MAPK6: variants seen among roughly 807,000 people sequenced by gnomAD.
MAPK6 encodes the protein mitogen-activated protein kinase 6.
A neutral mutation model predicts 59.3 loss-of-function variants in MAPK6; 19 were observed. That is an observed-to-expected ratio of 0.32 (90% CI 0.22 to 0.47). MAPK6 has a LOEUF of 0.47. Among genes scored for constraint, MAPK6 ranks in the 20% least tolerant of loss-of-function variants. MAPK6 has a pLI of 1.00. For missense variants in MAPK6, 724 were observed against 847.9 expected (o/e 0.85, Z 1.81); for synonymous variants, 316 against 290.3 (o/e 1.09, Z -0.90).
intron 1 of MAPK6, among the ~76,000 whole-genome samples, chr15:52,025,538 C>T (rs937157930): frequency 4.6e-5 from 7 of 152,212 alleles, no homozygotes; most frequent in Non-Finnish European, 7.3e-5. Context: ...CGCCGTGGCT[C>T]ACGCCTGTAA....
At chr15:52,030,098 A>G (rs2030968560) in intron 1 of MAPK6, among the ~76,000 whole-genome samples, 1 of 152,092 alleles carries the variant, frequency 6.6e-6, no homozygotes, top group Non-Finnish European at 1.5e-5. Context: ...CCAAAATGCC[A>G]AGTTTTATCC....
At chr15:52,017,708 G>T (rs927863503), upstream of MAPK6, 2 of 152,228 alleles carry the variant, frequency 1.3e-5, no homozygotes, top group Admixed American at 1.3e-4. Flanking sequence ...GCTCCTTGAG[G>T]GAAGGCACAG....
At chr15:52,018,879 G>A (rs1354140155), upstream of MAPK6, 1 of 152,572 alleles carries the variant, frequency 6.6e-6, no homozygotes, top group African/African-American at 2.4e-5. Flanking sequence ...CCTTCCTGGA[G>A]ACTGAGGCCT....
Position 52,066,792 on chromosome 15 carries a change from G to GTGTGTGTGTATA in MAPK6, c.*1793_*1794insGTGTGTGTATAT, listed in dbSNP as rs1043704165. On this transcript the variant is annotated 3_prime_UTR_variant, in exon 6 of 6. Coordinates refer to ENST00000261845, the MANE Select transcript of MAPK6 (RefSeq NM_002748.4). The stretch of plus-strand genomic sequence containing the variant: ...TGTGTGTGTGTGTGTGTGTGTGTGT[G>GTGTGTGTGTATA]TATATATATTCATTTATTTATTTTC... 6.9e-6 allele frequency: 1 copy of GTGTGTGTGTATA among 144,058 alleles called. No homozygotes were observed. Among genetic ancestry groups the GTGTGTGTGTATA allele is most frequent in the Non-Finnish European group, 1.5e-5 (1 of 65,936 alleles). The allele number at this position is 144,058 out of a possible 1,614,324, so 8.9% of individuals were successfully genotyped here.
chr15:52,033,579 C>T (rs994332945), intron 1 of MAPK6: 1 of 152,216 alleles, frequency 6.6e-6, no homozygotes, highest in Admixed American at 6.5e-5. Flanking sequence ...CACTGTTAGC[C>T]TCCCTGCTTT....
chr15:52,025,104 A>G (rs2030715913), intron 1 of MAPK6, among the ~76,000 whole-genome samples: 1 of 152,044 alleles, frequency 6.6e-6, no homozygotes, highest in Non-Finnish European at 1.5e-5. Context: ...AGCCTGTTGT[A>G]GTGGTGCACA....
Position 52,013,537 on chromosome 15 carries a change from G to T in MAPK6, c.-632+9135G>T, listed in dbSNP as rs576140471. Among the ~76,000 whole-genome samples, 8 of 152,266 alleles carry T rather than the reference G, an allele frequency of 5.3e-5. No homozygotes were observed. In the South Asian group the frequency reaches 1.7e-3, roughly 32 times the overall value. ...ATGTGGGAGCAACTGGGTGACTTAA[G>T]ACACATCTCTGACTCATCTAAGCAT... is the stretch of plus-strand genomic sequence containing the variant. On this transcript the variant is annotated intron_variant, in intron 3 of 7. Coordinates refer to the MAPK6 transcript ENST00000691380.
At position 52,046,426 on chromosome 15, in the gene MAPK6, A is replaced by T; in HGVS notation, c.-35A>T. On this transcript the variant is annotated 5_prime_UTR_variant, in exon 2 of 6. Transcript: ENST00000261845. ...TTTCTTCCTTGTTTACACAAGTTCA[A>T]TTTGAAAGGAAAAGGCAATAGTAAG... 6.7e-7 allele frequency: 1 copy of T among 1,491,684 alleles called. No homozygotes were observed. The highest frequency in any genetic ancestry group is 9.1e-7 in the Non-Finnish European group (1 of 1,104,254). 92.4% of individuals were successfully genotyped at this position (1,491,684 alleles called of 1,614,324 possible). A position where few individuals can be genotyped will look rare whatever the true frequency, so the allele number is the denominator to read the frequency against.
At chr15:52,054,624 G>A (rs1365147953) in intron 3 of MAPK6, among the ~76,000 whole-genome samples, 1 of 151,794 alleles carries the variant, frequency 6.6e-6, no homozygotes, top group Admixed American at 6.6e-5. Flanking sequence ...GCGGAGTTCA[G>A]TTCCACCCTT....
chr15:51,980,267 C>A (rs1311290175), intron 1 of MAPK6, among the ~76,000 whole-genome samples: 2 of 150,100 alleles, frequency 1.3e-5, no homozygotes, highest in African/African-American at 4.9e-5. Context: ...TGCACTCCAG[C>A]CTGGGTGACA....
chr15:52,001,097 G>A (rs1367815813), intron 2 of MAPK6, among the ~76,000 whole-genome samples: 1 of 152,128 alleles, frequency 6.6e-6, no homozygotes, highest in Non-Finnish European at 1.5e-5. Flanking sequence ...CTATGAGGGG[G>A]TCCTTTCTCG....
upstream of MAPK6, among the ~76,000 whole-genome samples, chr15:52,016,070 G>GCGCGCGCGCGCACACACACACACA: frequency 9.0e-5 from 5 of 55,388 alleles, no homozygotes; most frequent in South Asian, 1.1e-3. Context: ...GCGCGCGCGC[G>GCGCGCGCGCGCACACACACACACA]CACACACACA....
intron 2 of MAPK6, among the ~76,000 whole-genome samples, chr15:51,987,011 A>T (rs983726350): frequency 6.6e-6 from 1 of 152,216 alleles, no homozygotes; most frequent in Non-Finnish European, 1.5e-5. Context: ...CAGTTTGCAA[A>T]AAAAGTATTT....
chr15:52,034,904 G>T (rs2031186555), intron 1 of MAPK6, among the ~76,000 whole-genome samples: 1 of 151,828 alleles, frequency 6.6e-6, no homozygotes, highest in African/African-American at 2.4e-5. Context: ...CACCATGTTG[G>T]TCAGGCTGGT....
chr15:52,020,861 A>T (rs1438639415), intron 1 of MAPK6, among the ~76,000 whole-genome samples: 1 of 152,226 alleles, frequency 6.6e-6, no homozygotes, highest in Non-Finnish European at 1.5e-5. Context: ...GAATTGCCTT[A>T]AGCTTGTAAA....
At chr15:51,974,749 GCT>G (rs1051670843) in intron 1 of MAPK6, among the ~76,000 whole-genome samples, 1 of 147,866 alleles carries the variant, frequency 6.8e-6, no homozygotes, top group African/African-American at 2.5e-5. Flanking sequence ...ACAGAGTCTT[GCT>G]CTGTCACCCA....
At chr15:51,994,999 T>C (rs1331708081) in intron 2 of MAPK6, among the ~76,000 whole-genome samples, 2 of 152,254 alleles carry the variant, frequency 1.3e-5, no homozygotes. Flanking sequence ...TGGAGGAATA[T>C]GCTTATTAGC....
chr15:52,050,636 G>A (rs1421977862), intron 3 of MAPK6, among the ~76,000 whole-genome samples: 1 of 152,126 alleles, frequency 6.6e-6, no homozygotes, highest in African/African-American at 2.4e-5. Flanking sequence ...GCAAAGCATA[G>A]GTCTGTATAA....
At chr15:52,037,821 A>G (rs566671096) in intron 1 of MAPK6, among the ~76,000 whole-genome samples, 2 of 152,334 alleles carry the variant, frequency 1.3e-5, no homozygotes, top group African/African-American at 4.8e-5. Flanking sequence ...CTCACGTAGA[A>G]TATGCTATTT....
Sources: allele counts gnomAD v4.1 joint callset (sites outside exome capture counted in the v4.1 genomes callset), GRCh38; gene constraint gnomAD v4.1.1; transcripts MANE v1.5; gene names NCBI Gene and HGNC (gene_info 2026-07-23, HGNC 2026-07-21).